The following ATP8A2 variants were observed in gnomAD, a reference collection of about 807,000 sequenced individuals.
The protein encoded by ATP8A2 is ATPase phospholipid transporting 8A2.
A neutral mutation model predicts 165.6 loss-of-function variants in ATP8A2; 100 were observed. The observed-to-expected ratio is 0.60, with a 90% confidence interval of 0.51 to 0.71. ATP8A2 has a LOEUF of 0.71. Ranked by LOEUF, ATP8A2 falls within the 30% of genes least tolerant of loss-of-function variation. The probability of loss-of-function intolerance (pLI) is 0.00; values close to 1 mark genes in which losing one functional copy is unlikely to be tolerated. For missense variants in ATP8A2, 1,227 were observed against 1,479.5 expected, an observed-to-expected ratio of 0.83 and a Z score of 2.80; for synonymous variants, 543 against 548.8, an observed-to-expected ratio of 0.99 and a Z score of 0.15.
At position 25,393,879 on chromosome 13, in the gene ATP8A2, G is replaced by A. The variant is rs188354517; in HGVS notation, c.76+21591G>A. On this transcript the variant is annotated intron_variant, in intron 1 of 36. Transcript: ENST00000381655. ...TTAGCTGGGAAGGGTCCAGAGTTCT[G>A]CATCAGGTAGACTGAGGTTGAATCT... 5.9e-4 allele frequency among the ~76,000 whole-genome samples: 90 copies of A among 152,294 alleles called. 1 individual carries two copies. The highest frequency in any genetic ancestry group is 1.9e-3 in the African/African-American group (81 of 41,556).
intron 11 of ATP8A2, among the ~76,000 whole-genome samples, chr13:25,552,518 T>C (rs2038855719): frequency 6.6e-6 from 1 of 152,226 alleles, no homozygotes; most frequent in Non-Finnish European, 1.5e-5. Context: ...TACTATCTTT[T>C]ATAAATCCTG....
At position 25,782,206 on chromosome 13, in the gene ATP8A2, T is replaced by C. The variant is rs374700384; in HGVS notation, c.2679+7247T>C. Among the ~76,000 whole-genome samples, 127 of 152,392 alleles carry C rather than the reference T, an allele frequency of 8.3e-4. 1 individual carries two copies. Among genetic ancestry groups the C allele is most frequent in the South Asian group, 3.1e-3 (15 of 4,830 alleles). ...ATAGCTAAGCTTTCCTCTTCTGTCC[T>C]GTGCATCTGCCTTGGCAGAGTTAGC... On this transcript the variant is annotated intron_variant, in intron 27 of 36. Coordinates refer to ENST00000381655, the MANE Select transcript of ATP8A2 (RefSeq NM_016529.6).
At chr13:26,015,486 T>C (rs190870510) in intron 36 of ATP8A2, among the ~76,000 whole-genome samples, 1 of 152,210 alleles carries the variant, frequency 6.6e-6, no homozygotes, top group Non-Finnish European at 1.5e-5. Context: ...CTCATTTCTA[T>C]GGCTATTAGG....
intron 26 of ATP8A2, among the ~76,000 whole-genome samples, chr13:25,774,210 C>T (rs1041414760): frequency 6.6e-6 from 1 of 152,150 alleles, no homozygotes; most frequent in African/African-American, 2.4e-5. Context: ...ACACATACAC[C>T]ATGGAATACT....
At chr13:25,552,206 C>T (rs1204499107) in intron 11 of ATP8A2, among the ~76,000 whole-genome samples, 4 of 152,068 alleles carry the variant, frequency 2.6e-5, no homozygotes, top group African/African-American at 4.8e-5. Flanking sequence ...AGGCTAGCCT[C>T]GAACTCCTGA....
At chr13:26,008,946 A>T (rs566693030) in intron 35 of ATP8A2, among the ~76,000 whole-genome samples, 1 of 152,366 alleles carries the variant, frequency 6.6e-6, no homozygotes, top group African/African-American at 2.4e-5. Context: ...AGCAAAAAAC[A>T]TGATAAACAG....
chr13:25,823,199 A>G (rs915220483), intron 27 of ATP8A2, among the ~76,000 whole-genome samples: 3 of 152,082 alleles, frequency 2.0e-5, no homozygotes, highest in Non-Finnish European at 4.4e-5. Flanking sequence ...TTTTTTGAAT[A>G]GAGTGTCTTT....
At chr13:26,006,282 G>C (rs1016641316) in intron 35 of ATP8A2, among the ~76,000 whole-genome samples, 21 of 151,732 alleles carry the variant, frequency 1.4e-4, no homozygotes, top group African/African-American at 5.1e-4. Flanking sequence ...ATTATAAATT[G>C]GATTGTTTTC....
chr13:25,709,579 T>G (rs1314820976), intron 25 of ATP8A2, among the ~76,000 whole-genome samples: 1 of 152,226 alleles, frequency 6.6e-6, no homozygotes, highest in Non-Finnish European at 1.5e-5. Context: ...TGTAGATACA[T>G]GAACACATGA....
intron 4 of ATP8A2, among the ~76,000 whole-genome samples, chr13:25,531,039 A>G (rs1259063688): frequency 6.6e-6 from 1 of 151,286 alleles, no homozygotes; most frequent in Non-Finnish European, 1.5e-5. Flanking sequence ...TCCCCTCACA[A>G]TCATCCTAGT....
chr13:25,521,225 T>C (rs892329888), intron 2 of ATP8A2, among the ~76,000 whole-genome samples: 4 of 152,222 alleles, frequency 2.6e-5, no homozygotes, highest in Non-Finnish European at 5.9e-5. Context: ...TTTATTTATT[T>C]TAGCTGTTGA....
intron 33 of ATP8A2, among the ~76,000 whole-genome samples, chr13:25,930,149 G>A (rs537719993): frequency 1.9e-3 from 290 of 152,160 alleles, no homozygotes; most frequent in African/African-American, 6.7e-3. Flanking sequence ...AGCATTTAAT[G>A]CTGTTCTCCT....
At position 25,530,808 on chromosome 13, in the gene ATP8A2, A is replaced by T. The variant is rs549898193; in HGVS notation, c.420+148A>T. 7.7e-5 allele frequency: 47 copies of T among 608,588 alleles called. No individual in the cohort carries two copies. The African/African-American group carries it at 8.2e-4, about 11-fold the overall frequency. The allele number at this position is 608,588 out of a possible 1,614,324, so 37.7% of individuals were successfully genotyped here. ...CTGATGGTATTTTTAGGGGGAGTTA[A>T]TGTATACTCAGAGTGTCCTAAATAC... On this transcript the variant is annotated intron_variant, in intron 4 of 36. Coordinates refer to ENST00000381655, the MANE Select transcript of ATP8A2 (RefSeq NM_016529.6).
intron 33 of ATP8A2, among the ~76,000 whole-genome samples, chr13:25,878,027 C>G (rs746864447): frequency 2.6e-5 from 4 of 152,182 alleles, no homozygotes; most frequent in Non-Finnish European, 5.9e-5. Flanking sequence ...AAAATGTTAT[C>G]AGTTTAACCC....
rs189457289 is a variant in ATP8A2 at position 25,526,999 on chromosome 13, G to A, written c.222-3000G>A. Among the ~76,000 whole-genome samples the A allele has an allele frequency of 4.9e-3, 753 of 152,166 alleles. 2 individuals are homozygous for A. The highest frequency in any genetic ancestry group is 7.7e-3 in the Non-Finnish European group (525 of 68,002). Reference sequence around the variant, plus strand: ...TGGGGAGAGGGATGTCTTGGCTGTGGATGTCCCCTTCTCTTACCATCTACT... The same window carrying A: ...TGGGGAGAGGGATGTCTTGGCTGTGAATGTCCCCTTCTCTTACCATCTACT... On this transcript the variant is annotated intron_variant, in intron 2 of 36. Coordinates refer to ENST00000381655, the MANE Select transcript of ATP8A2 (RefSeq NM_016529.6).
chr13:25,420,946 C>T (rs2034281581), intron 1 of ATP8A2, among the ~76,000 whole-genome samples: 1 of 152,208 alleles, frequency 6.6e-6, no homozygotes, highest in Non-Finnish European at 1.5e-5. Context: ...TAAGAAATTA[C>T]TTCCATGGGA....
intron 15 of ATP8A2, among the ~76,000 whole-genome samples, chr13:25,561,182 A>G (rs1241664934): frequency 1.3e-5 from 2 of 152,134 alleles, no homozygotes. Context: ...CATTCATTGG[A>G]CCACCAGTGG....
At chr13:25,524,121 A>T (rs914502943) in intron 2 of ATP8A2, among the ~76,000 whole-genome samples, 1 of 152,098 alleles carries the variant, frequency 6.6e-6, no homozygotes, top group African/African-American at 2.4e-5. Flanking sequence ...TTGACCTATC[A>T]GTTGTTGAGG....
intron 24 of ATP8A2, among the ~76,000 whole-genome samples, chr13:25,660,966 C>T (rs967619145): frequency 6.6e-6 from 1 of 152,144 alleles, no homozygotes; most frequent in South Asian, 2.1e-4. Context: ...GCGTAGCTTG[C>T]ATATCAACAA....
Sources: allele counts gnomAD v4.1 joint callset (sites outside exome capture counted in the v4.1 genomes callset), GRCh38; gene constraint gnomAD v4.1.1; transcripts MANE v1.5; gene names NCBI Gene and HGNC (gene_info 2026-07-23, HGNC 2026-07-21).